TENM3: variants seen among roughly 807,000 people sequenced by gnomAD.
TENM3 encodes teneurin transmembrane protein 3.
TENM3 carries 63 observed loss-of-function variants against 255.1 expected under a neutral mutation model. The observed-to-expected ratio is 0.25, with a 90% CI of 0.20 to 0.30. TENM3 has a LOEUF of 0.30. TENM3 is among the 10% of genes least tolerant of loss of function. The pLI, the probability that TENM3 is intolerant of heterozygous loss-of-function variation, is 1.00. For missense variants in TENM3, 2,929 were observed against 3,461.1 expected, an observed-to-expected ratio of 0.85 and a Z score of 3.86; for synonymous variants, 1,306 against 1,322.3, an observed-to-expected ratio of 0.99 and a Z score of 0.27.
At chr4:181,512,411 A>G in the TENM3 span, among the ~76,000 whole-genome samples, 3 of 152,312 alleles carry the variant, frequency 2.0e-5, no homozygotes, top group East Asian at 3.9e-4. Flanking sequence ...CTTAGTAAGA[A>G]AATGCCATGG....
At chr4:182,552,002 G>T (rs1322359665) in intron 3 of TENM3, among the ~76,000 whole-genome samples, 1 of 150,800 alleles carries the variant, frequency 6.6e-6, no homozygotes, top group African/African-American at 2.4e-5. Context: ...CTCCAGCCGG[G>T]GTGACAGAGC....
the TENM3 span, among the ~76,000 whole-genome samples, chr4:182,029,092 A>C: frequency 6.6e-6 from 1 of 152,146 alleles, no homozygotes; most frequent in Non-Finnish European, 1.5e-5. Flanking sequence ...TACAGGAAGC[A>C]AACGTCTGGC....
chr4:182,335,386 T>C (rs1359534790), intron 2 of TENM3, among the ~76,000 whole-genome samples: 2 of 137,768 alleles, frequency 1.5e-5, no homozygotes, highest in African/African-American at 5.3e-5. Context: ...TCCCAGCTGC[T>C]CGGGAGGCTG....
chr4:181,553,486 G>A, the TENM3 span, among the ~76,000 whole-genome samples: 1 of 151,864 alleles, frequency 6.6e-6, no homozygotes, highest in African/African-American at 2.4e-5. Context: ...CTGTCGCCCA[G>A]GCTGGAGTGC....
At chr4:181,844,616 T>C in the TENM3 span, among the ~76,000 whole-genome samples, 2,985 of 150,960 alleles carry the variant, frequency 0.02, 142 homozygotes, top group East Asian at 0.18. Flanking sequence ...TGCAGTGAGC[T>C]GAGATCACAC....
intron 6 of TENM3, among the ~76,000 whole-genome samples, chr4:182,656,059 C>T (rs543210199): frequency 1.3e-5 from 2 of 152,264 alleles, no homozygotes; most frequent in South Asian, 2.1e-4. Context: ...GAAGTTCCCC[C>T]AAGTGATCAT....
intron 3 of TENM3, among the ~76,000 whole-genome samples, chr4:182,578,123 C>T (rs1311508872): frequency 2.0e-5 from 3 of 151,992 alleles, no homozygotes; most frequent in Admixed American, 2.0e-4. Context: ...ATTGCAGGCA[C>T]CCACCACCAC....
the TENM3 span, among the ~76,000 whole-genome samples, chr4:181,605,939 TA>T: frequency 1.6e-4 from 25 of 152,316 alleles, no homozygotes; most frequent in South Asian, 4.6e-3. Context: ...GGTTTGGATT[TA>T]ATTTGGACCG....
the TENM3 span, among the ~76,000 whole-genome samples, chr4:181,886,756 T>A: frequency 6.6e-6 from 1 of 152,204 alleles, no homozygotes; most frequent in Non-Finnish European, 1.5e-5. Context: ...GGTTTAAAAA[T>A]CTTACATTGT....
At chr4:181,518,949 C>T in the TENM3 span, among the ~76,000 whole-genome samples, 5 of 152,200 alleles carry the variant, frequency 3.3e-5, no homozygotes, top group Admixed American at 2.0e-4. Flanking sequence ...TGTTTAAATA[C>T]GTTGAATACT....
intron 1 of TENM3, among the ~76,000 whole-genome samples, chr4:182,155,635 A>G (rs143916483): frequency 7.6e-4 from 115 of 152,276 alleles, no homozygotes; most frequent in African/African-American, 2.3e-3. Context: ...AATACTGCCT[A>G]GAAATGAGCC....
intron 1 of TENM3, among the ~76,000 whole-genome samples, chr4:182,312,668 G>A (rs545938595): frequency 8.5e-5 from 13 of 152,306 alleles, no homozygotes; most frequent in Non-Finnish European, 1.8e-4. Flanking sequence ...CCGAAGCGCA[G>A]GTGAAAAAAG....
intron 19 of TENM3, chr4:182,744,137 A>G (rs1363259150): frequency 1.6e-6 from 1 of 639,054 alleles, no homozygotes; most frequent in Non-Finnish European, 1.9e-6. Context: ...ATCTGCTTCC[A>G]CCAAGAAATA....
chr4:182,482,532 A>G (rs1734299884), intron 3 of TENM3, among the ~76,000 whole-genome samples: 1 of 152,216 alleles, frequency 6.6e-6, no homozygotes, highest in South Asian at 2.1e-4. Flanking sequence ...GCATTGCAGA[A>G]CAGAATCTTC....
At chr4:181,585,916 G>A in the TENM3 span, among the ~76,000 whole-genome samples, 1 of 152,180 alleles carries the variant, frequency 6.6e-6, no homozygotes, top group African/African-American at 2.4e-5. Flanking sequence ...TGCTTTGGCT[G>A]AAATCCACAG....
chr4:182,043,602 C>T, the TENM3 span, among the ~76,000 whole-genome samples: 146 of 152,200 alleles, frequency 9.6e-4, 1 homozygote, highest in African/African-American at 3.4e-3. Context: ...ATCTCTCTGT[C>T]TAGTTTTATA....
At chr4:182,268,692 T>A (rs1326811047) in intron 1 of TENM3, among the ~76,000 whole-genome samples, 2 of 151,764 alleles carry the variant, frequency 1.3e-5, no homozygotes, top group Non-Finnish European at 2.9e-5. Flanking sequence ...ATGACAAGAG[T>A]GACCTCTGGT....
chr4:181,488,732 AG>A, the TENM3 span, among the ~76,000 whole-genome samples: 2 of 152,212 alleles, frequency 1.3e-5, no homozygotes, highest in African/African-American at 4.8e-5. Flanking sequence ...AGTCTTATAT[AG>A]ATATAGATTA....
At chr4:181,836,902 G>A in the TENM3 span, among the ~76,000 whole-genome samples, 1 of 151,986 alleles carries the variant, frequency 6.6e-6, no homozygotes, top group Non-Finnish European at 1.5e-5. Flanking sequence ...CATGAATATG[G>A]TTCATCTTTT....
Sources: allele counts gnomAD v4.1 joint callset (sites outside exome capture counted in the v4.1 genomes callset), GRCh38; gene constraint gnomAD v4.1.1; transcripts MANE v1.5; gene names NCBI Gene and HGNC (gene_info 2026-07-23, HGNC 2026-07-21).